Variants in LAMA1 observed in about 807,000 individuals in gnomAD.
The protein encoded by LAMA1 is laminin subunit alpha 1.
LAMA1 carries 219 observed loss-of-function variants against 348.7 expected under a neutral mutation model. The observed-to-expected ratio is 0.63, with a 90% CI of 0.56 to 0.70. The LOEUF is 0.70. Among genes scored for constraint, LAMA1 ranks in the 30% least tolerant of loss-of-function variants. LAMA1 has a pLI of 0.00. For missense variants in LAMA1, 3,744 were observed against 3,888.0 expected (o/e 0.96, Z 0.99); for synonymous variants, 1,487 against 1,491.0 (o/e 1.00, Z 0.06).
chr18:7,112,331 G>T (rs2058338969), intron 1 of LAMA1, among the ~76,000 whole-genome samples: 1 of 152,178 alleles, frequency 6.6e-6, no homozygotes, highest in Non-Finnish European at 1.5e-5. Flanking sequence ...AGTATGAGGG[G>T]AGGACAGTGG....
chr18:7,088,485 A>T (rs2058226525), intron 1 of LAMA1, among the ~76,000 whole-genome samples: 1 of 151,626 alleles, frequency 6.6e-6, no homozygotes, highest in African/African-American at 2.4e-5. Context: ...TTTCTTTCTA[A>T]CTTTTTTTGT....
At chr18:7,031,903 G>A (rs1403518527) in intron 16 of LAMA1, among the ~76,000 whole-genome samples, 163 bp downstream of exon 16, 7 of 126,008 alleles carry the variant, frequency 5.6e-5, no homozygotes, top group Non-Finnish European at 8.4e-5. Context: ...AAAAAAAAAC[G>A]GGAAACATTT....
At chr18:6,985,215 T>C in intron 39 of LAMA1, 22 bp downstream of exon 39, 1 of 1,613,906 alleles carries the variant, frequency 6.2e-7, no homozygotes, top group Non-Finnish European at 8.5e-7. Flanking sequence ...GCTCTTGAGT[T>C]CCCACAAAGG....
At chr18:7,043,845 A>G (rs1248836449) in intron 7 of LAMA1, among the ~76,000 whole-genome samples, 2 of 152,206 alleles carry the variant, frequency 1.3e-5, no homozygotes, top group Non-Finnish European at 2.9e-5. Context: ...GAATTTCACA[A>G]TACATTGTTA....
At position 7,050,769 on chromosome 18, in the gene LAMA1, T is replaced by G. The variant is rs1368375410; in HGVS notation, c.513A>C (p.Pro171=). The G allele has an allele frequency of 1.9e-6, 3 of 1,614,134 alleles. No individual in the cohort carries two copies. Among genetic ancestry groups the G allele is most frequent in the Non-Finnish European group, 2.5e-6 (3 of 1,180,020 alleles). The change falls in exon 4 of 63, where the codon CCA becomes CCC. Residue 171 remains proline, a synonymous_variant. Transcript: ENST00000389658. ...CTTCATCATCAGCCCTGTAGGTGGG[T>G]GGCCCTCGTCTTGGAGTTATATTGT... ...SRYNITPRRG[P]PTYRADDEVI...
At chr18:7,114,954 C>T (rs2058349915) in intron 1 of LAMA1, among the ~76,000 whole-genome samples, 1 of 152,114 alleles carries the variant, frequency 6.6e-6, no homozygotes, top group South Asian at 2.1e-4. Flanking sequence ...CATTTGAATT[C>T]TCAATCATGC....
chr18:7,077,842 G>A (rs370957768), intron 3 of LAMA1, among the ~76,000 whole-genome samples: 6 of 151,874 alleles, frequency 4.0e-5, no homozygotes, highest in African/African-American at 1.4e-4. Flanking sequence ...TTAAAAAGAA[G>A]CTCTTGGCTG....
chr18:7,008,117 A>T (rs373168064), intron 28 of LAMA1, among the ~76,000 whole-genome samples: 2 of 152,064 alleles, frequency 1.3e-5, no homozygotes, highest in African/African-American at 4.8e-5. Flanking sequence ...AGAGGGCCAT[A>T]GAGTGGTCAA....
chr18:6,959,222 G>T (rs114839221), intron 54 of LAMA1, 119 bp downstream of exon 54: 49 of 1,278,610 alleles, frequency 3.8e-5, no homozygotes, highest in Non-Finnish European at 5.5e-5. Context: ...TTCTAGAATC[G>T]TCTGGATGCC....
chr18:7,068,478 T>C (rs1030345159), intron 3 of LAMA1, among the ~76,000 whole-genome samples: 1 of 152,220 alleles, frequency 6.6e-6, no homozygotes, highest in East Asian at 1.9e-4. Context: ...TTCTTAAATA[T>C]ATTCAGTGTT....
chr18:7,055,112 CTG>C (rs147015838), intron 3 of LAMA1, among the ~76,000 whole-genome samples: 173 of 145,026 alleles, frequency 1.2e-3, no homozygotes, highest in South Asian at 4.7e-3. Flanking sequence ...CAAGGGTCAG[CTG>C]TGTGTGTGTG....
At chr18:7,007,912 C>CA (rs1568028323) in intron 28 of LAMA1, among the ~76,000 whole-genome samples, 7,407 of 107,132 alleles carry the variant, frequency 0.069, 286 homozygotes, top group African/African-American at 0.21. Context: ...TATTACTCCA[C>CA]TTTTATTTAT....
At chr18:7,022,249 G>T (rs2057921256) in intron 19 of LAMA1, among the ~76,000 whole-genome samples, 1 of 152,084 alleles carries the variant, frequency 6.6e-6, no homozygotes, top group African/African-American at 2.4e-5. Flanking sequence ...AATGAACGGA[G>T]GAATGAATCA....
rs747032173 is a variant in LAMA1, at chr18:7,017,268, T to TG, written c.2808+9dup. On this transcript the variant is annotated intron_variant, in intron 20 of 62. Transcript: ENST00000389658. ...AAGGCTAAGGTGTCAATTAGTCACA[T>TG]GCATCTTACCAAGCACTGGTCACAC... The TG allele has an allele frequency of 8.1e-6, 13 of 1,603,620 alleles. No individual in the cohort carries two copies. The highest frequency in any genetic ancestry group is 1.3e-5 in the African/African-American group (1 of 74,640).
At position 7,010,350 on chromosome 18, in the gene LAMA1, C is replaced by T. The variant is rs1318866045; in HGVS notation, c.3723G>A (p.Val1241=). The T allele has an allele frequency of 6.2e-7, 1 of 1,614,024 alleles. No individual in the cohort carries two copies. Residue 1241 remains valine, a synonymous_variant, in exon 26 of 63, where the codon GTG becomes GTA. Coordinates refer to ENST00000389658, the MANE Select transcript of LAMA1 (RefSeq NM_005559.4). ...CGACGCCATCCAAAGAATAGAAGGC[C>T]ACGCTGTACTTCAGTTTGCCACCAT... The part of the protein sequence containing the change: ...MAYGGKLKYS[V]AFYSLDGVGT...
Position 7,050,840 on chromosome 18 carries a change from G to T in LAMA1, c.442C>A (p.Pro148Thr). ...TCGCTGACTGCATAATACTGCCAGG[G>T]GCTGAACGTGGTGCCATCCAGAGAA... ...ERSLDGTTFS[P>T]WQYYAVSDSE... Residue 148 changes from proline (P) to threonine (T), a missense_variant, in exon 4 of 63, where the codon CCC (proline) becomes ACC (threonine). Pro to Thr is a conservative substitution (Grantham distance 38, BLOSUM62 -1). Coordinates refer to ENST00000389658, the MANE Select transcript of LAMA1 (RefSeq NM_005559.4). The T allele has an allele frequency of 6.2e-7, 1 of 1,614,182 alleles. No homozygotes were observed. Among genetic ancestry groups the T allele is most frequent in the Non-Finnish European group, 8.5e-7 (1 of 1,180,044 alleles).
chr18:6,993,578 A>C, intron 35 of LAMA1, 63 bp downstream of exon 35: 1 of 1,149,662 alleles, frequency 8.7e-7, no homozygotes, highest in Non-Finnish European at 1.3e-6. Flanking sequence ...ATGTTTAATA[A>C]AGCAATGGTG....
At chr18:7,007,714 C>A (rs910035439) in intron 28 of LAMA1, among the ~76,000 whole-genome samples, 19 of 152,096 alleles carry the variant, frequency 1.2e-4, no homozygotes, top group African/African-American at 4.6e-4. Context: ...TCACAATAGC[C>A]AAGATGGGGA....
intron 36 of LAMA1, among the ~76,000 whole-genome samples, chr18:6,988,808 T>TAAA (rs1169877701): frequency 0.098 from 9,823 of 100,374 alleles, 888 homozygotes; most frequent in African/African-American, 0.2. Context: ...TCCGTCTCAA[T>TAAA]AAAAAAAAAA....
Sources: gnomAD v4.1 joint callset for allele counts (sites outside exome capture counted in the v4.1 genomes callset) on GRCh38, gnomAD v4.1.1 for gene constraint, MANE v1.5 for transcripts, NCBI Gene and HGNC (gene_info 2026-07-23, HGNC 2026-07-21) for gene names.